The following BTK variants were observed in gnomAD, a reference collection of about 807,000 sequenced individuals.
The protein encoded by BTK is Bruton tyrosine kinase.
Under a neutral mutation model 57.4 loss-of-function variants are expected in BTK, and 5 were observed. The ratio of observed to expected loss-of-function variants is 0.09; its 90% CI spans 0.05 to 0.18. BTK has a LOEUF of 0.18. Among genes scored for constraint, BTK ranks in the 10% least tolerant of loss-of-function variants. BTK has a pLI of 1.00. For missense variants in BTK, 194 were observed against 501.2 expected, an observed-to-expected ratio of 0.39 and a Z score of 5.85; for synonymous variants, 154 against 174.3, an observed-to-expected ratio of 0.88 and a Z score of 0.92.
chrX:101,366,742 G>A (rs924890993), intron 5 of BTK, among the ~76,000 whole-genome samples: 11 of 109,881 alleles, frequency 1.0e-4, no homozygotes, highest in Non-Finnish European at 1.7e-4. Flanking sequence ...GAACTACTGG[G>A]AAAAAAAATG....
intron 1 of BTK, among the ~76,000 whole-genome samples, chrX:101,379,081 G>A (rs782653166): frequency 3.7e-5 from 4 of 108,178 alleles, no homozygotes; most frequent in Non-Finnish European, 5.7e-5. Context: ...GGCTGAGGCA[G>A]GAGAATCGCT....
intron 14 of BTK, chrX:101,356,510 A>G (rs1249219542): frequency 3.1e-5 from 14 of 448,583 alleles, no homozygotes; most frequent in Non-Finnish European, 1.5e-5. Context: ...CTAAGGCTAA[A>G]TTAGAATATT....
intron 16 of BTK, 40 bp from the exon 17 acceptor site, chrX:101,354,028 G>C: frequency 9.8e-7 from 1 of 1,022,542 alleles, no homozygotes; most frequent in Non-Finnish European, 1.4e-6. Context: ...GGATTTGGAG[G>C]CTTGATATTT....
intron 5 of BTK, among the ~76,000 whole-genome samples, chrX:101,365,401 A>G (rs141094366): frequency 8.9e-6 from 1 of 112,195 alleles, no homozygotes; most frequent in African/African-American, 3.2e-5. Flanking sequence ...AAACCTCCCT[A>G]CATTCTCAAA....
At chrX:101,364,889 G>C (rs1156587372) in intron 5 of BTK, among the ~76,000 whole-genome samples, 2 of 110,379 alleles carry the variant, frequency 1.8e-5, no homozygotes, top group African/African-American at 3.3e-5. Context: ...CTACAGGCAC[G>C]CACCACCAAG....
intron 1 of BTK, among the ~76,000 whole-genome samples, chrX:101,380,993 T>A (rs1927397855): frequency 1.3e-5 from 1 of 79,961 alleles, no homozygotes; most frequent in African/African-American, 5.1e-5. Context: ...GCAACAAGAG[T>A]GAAACTCGGT....
intron 5 of BTK, among the ~76,000 whole-genome samples, chrX:101,363,627 A>T (rs1254677877): frequency 9.5e-6 from 1 of 105,767 alleles, no homozygotes; most frequent in Non-Finnish European, 1.9e-5. Context: ...AATCGCTTGA[A>T]CCTGGCTGGC....
intron 17 of BTK, 55 bp from the exon 18 acceptor site, chrX:101,353,406 G>C (rs377253171): frequency 9.1e-7 from 1 of 1,098,933 alleles, no homozygotes; most frequent in South Asian, 1.8e-5. Flanking sequence ...GATAGCAGGG[G>C]TCCTAGTCTT....
intron 13 of BTK, among the ~76,000 whole-genome samples, 188 bp downstream of exon 13, chrX:101,357,321 T>C (rs1926515889): frequency 8.9e-6 from 1 of 111,962 alleles, no homozygotes; most frequent in Non-Finnish European, 1.9e-5. Flanking sequence ...ATCTATGTTT[T>C]TGCAGTCCCA....
rs782283931 is a variant in BTK at position 101,353,242 on chromosome X, A to G, written c.1860T>C (p.His620=). The change falls in exon 18 of 19, where the codon CAT becomes CAC. Residue 620 remains histidine, a synonymous_variant. Coordinates refer to ENST00000308731, the MANE Select transcript of BTK (RefSeq NM_000061.3). ...TGGTATATACCTTCTCTGAAGCCAG[A>G]TGAGGCCTGTAGAGACGTAGGCCTT... ...IAQGLRLYRP[H]LASEKVYTIM... 8.3e-7 allele frequency: 1 copy of G among 1,210,493 alleles called. No individual in the cohort carries two copies. The highest frequency in any genetic ancestry group is 1.8e-5 in the South Asian group (1 of 56,929).
Position 101,358,243 on chromosome X carries a change from A to T in BTK, c.1102+67T>A. The T allele has an allele frequency of 7.5e-6, 9 of 1,193,763 alleles. No individual in the cohort carries two copies. In the South Asian group the frequency reaches 1.6e-4, roughly 21 times the overall value. ...TCCTGTGAGGCAGATTCTTCCTCTT[A>T]TCACCTTGTCCTGCATTGCTTATCC... On this transcript the variant is annotated intron_variant, in intron 12 of 18. Transcript: ENST00000308731.
At chrX:101,373,468 T>C (rs1332589221) in intron 3 of BTK, among the ~76,000 whole-genome samples, 1 of 112,089 alleles carries the variant, frequency 8.9e-6, no homozygotes, top group Non-Finnish European at 1.9e-5. Context: ...GAATATCTAT[T>C]GTCATGGGGA....
At chrX:101,374,711 T>C in intron 2 of BTK, 77 bp from the exon 3 acceptor site, 1 of 895,178 alleles carries the variant, frequency 1.1e-6, no homozygotes, top group East Asian at 3.1e-5. Context: ...TTTTGTTATC[T>C]AATCATTCAA....
rs1328302828 is a variant in BTK at position 101,376,312 on chromosome X, G to C, written c.-30-998C>G. On this transcript the variant is annotated intron_variant, in intron 1 of 18. Transcript: ENST00000308731. ...TCCGAACTTTCATTGGAAAGATAAA[G>C]TGAAAACAAATGCTGTCATAAAAAT... Among the ~76,000 whole-genome samples the C allele has an allele frequency of 8.0e-5, 9 of 112,150 alleles. No individual in the cohort carries two copies. The East Asian group carries it at 2.5e-3, about 31-fold the overall frequency.
At chrX:101,367,103 G>A (rs1336368070) in intron 5 of BTK, among the ~76,000 whole-genome samples, 1 of 109,388 alleles carries the variant, frequency 9.1e-6, no homozygotes, top group Non-Finnish European at 1.9e-5. Context: ...AATTAGCCGG[G>A]CATGATGGTG....
chrX:101,355,448 G>C (rs190664294), intron 15 of BTK: 2 of 119,065 alleles, frequency 1.7e-5, no homozygotes, highest in East Asian at 5.1e-4. Context: ...GGCAAGTTAA[G>C]TAAGAGTGAA....
intron 1 of BTK, among the ~76,000 whole-genome samples, chrX:101,377,463 A>G (rs1229691848): frequency 9.0e-6 from 1 of 111,579 alleles, no homozygotes; most frequent in Non-Finnish European, 1.9e-5. Flanking sequence ...GGTCAGAAGC[A>G]TCCCAACAAA....
chrX:101,355,119 A>G (rs1926425765), intron 15 of BTK, among the ~76,000 whole-genome samples: 1 of 111,935 alleles, frequency 8.9e-6, no homozygotes, highest in African/African-American at 3.2e-5. Flanking sequence ...TCTACTAAAA[A>G]TACAAAAATT....
At chrX:101,369,183 C>T (rs183146421) in intron 5 of BTK, among the ~76,000 whole-genome samples, 239 of 112,167 alleles carry the variant, frequency 2.1e-3, no homozygotes, top group Non-Finnish European at 3.6e-3. Flanking sequence ...TGAAATATTT[C>T]CTTGGGAAAT....
Sources: allele counts gnomAD v4.1 joint callset (sites outside exome capture counted in the v4.1 genomes callset), GRCh38; gene constraint gnomAD v4.1.1; transcripts MANE v1.5; gene names NCBI Gene and HGNC (gene_info 2026-07-23, HGNC 2026-07-21).